Variants in BLTP3B observed in about 807,000 individuals in gnomAD.
BLTP3B encodes bridge-like lipid transfer protein family member 3B.
chr12:100,050,038 CTAATAA>C, the BLTP3B span: 1 of 946,834 alleles, frequency 1.1e-6, no homozygotes. Flanking sequence ...CCACTAACTA[CTAATAA>C]TAAGTAAATG....
At chr12:100,038,813 C>T in the BLTP3B span, among the ~76,000 whole-genome samples, 5 of 152,166 alleles carry the variant, frequency 3.3e-5, no homozygotes, top group South Asian at 2.1e-4. Flanking sequence ...GAACTTTCTG[C>T]GTCACATAGA....
At chr12:100,089,583 AAAAC>A in the BLTP3B span, among the ~76,000 whole-genome samples, 3 of 152,124 alleles carry the variant, frequency 2.0e-5, no homozygotes, top group African/African-American at 2.4e-5. Context: ...CAAAAACAAA[AAAAC>A]AAACAAAAAA....
the BLTP3B span, chr12:100,098,357 C>T: frequency 1.9e-6 from 3 of 1,588,786 alleles, no homozygotes; most frequent in Non-Finnish European, 2.6e-6. Flanking sequence ...GTTACCTCTC[C>T]TCTCTGTGGA....
chr12:100,059,168 T>C, the BLTP3B span: 1 of 1,614,132 alleles, frequency 6.2e-7, no homozygotes, highest in Non-Finnish European at 8.5e-7. Flanking sequence ...CTTCATAATC[T>C]ATCCAAAATT....
the BLTP3B span, among the ~76,000 whole-genome samples, chr12:100,068,375 G>A: frequency 4.6e-5 from 7 of 152,122 alleles, no homozygotes; most frequent in East Asian, 1.9e-4. Context: ...TTAAATCTAA[G>A]CCCTGAAACT....
the BLTP3B span, chr12:100,142,727 C>A: frequency 2.6e-6 from 4 of 1,525,362 alleles, no homozygotes; most frequent in Non-Finnish European, 3.5e-6. Context: ...CTAGCCCGGC[C>A]GGCGGAGAGG....
At chr12:100,103,346 T>C in the BLTP3B span, among the ~76,000 whole-genome samples, 1 of 152,122 alleles carries the variant, frequency 6.6e-6, no homozygotes, top group African/African-American at 2.4e-5. Context: ...TTTCTCAGGG[T>C]AATATTTTTC....
At chr12:100,084,002 A>C in the BLTP3B span, among the ~76,000 whole-genome samples, 1 of 152,114 alleles carries the variant, frequency 6.6e-6, no homozygotes, top group African/African-American at 2.4e-5. Context: ...CACCCTGGCC[A>C]ACACAGTGAA....
At chr12:100,110,691 A>C in the BLTP3B span, among the ~76,000 whole-genome samples, 1 of 152,088 alleles carries the variant, frequency 6.6e-6, no homozygotes, top group Non-Finnish European at 1.5e-5. Context: ...ATCTAAAGGA[A>C]GAGAAGTTAA....
the BLTP3B span, among the ~76,000 whole-genome samples, chr12:100,071,699 T>C: frequency 3.9e-5 from 6 of 152,134 alleles, no homozygotes; most frequent in East Asian, 1.9e-4. Flanking sequence ...TGTAATTCAA[T>C]ATTTCTGAAA....
chr12:100,079,936 C>T, the BLTP3B span, among the ~76,000 whole-genome samples: 1 of 152,222 alleles, frequency 6.6e-6, no homozygotes, highest in Non-Finnish European at 1.5e-5. Flanking sequence ...CAAGCCCCAA[C>T]CCTGGCAGCT....
chr12:100,047,743 G>A, the BLTP3B span: 2 of 1,075,276 alleles, frequency 1.9e-6, no homozygotes, highest in Non-Finnish European at 2.7e-6. Flanking sequence ...GATATAGCGA[G>A]AAAACTGCCT....
the BLTP3B span, among the ~76,000 whole-genome samples, chr12:100,099,001 T>TATTA: frequency 6.4e-5 from 9 of 140,690 alleles, no homozygotes; most frequent in South Asian, 4.4e-4. Flanking sequence ...ATTTTATTAT[T>TATTA]TTTTTTTTCC....
the BLTP3B span, among the ~76,000 whole-genome samples, chr12:100,063,375 C>G: frequency 6.6e-6 from 1 of 152,106 alleles, no homozygotes; most frequent in Non-Finnish European, 1.5e-5. Context: ...TAACAATCAC[C>G]ACAGCCTGGC....
At chr12:100,102,699 GCTT>G in the BLTP3B span, 2 of 871,380 alleles carry the variant, frequency 2.3e-6, no homozygotes, top group Non-Finnish European at 3.4e-6. Flanking sequence ...TGAGGTTAAG[GCTT>G]TTTTTTTTTT....
chr12:100,142,042 C>T, the BLTP3B span, among the ~76,000 whole-genome samples: 8,485 of 152,252 alleles, frequency 0.056, 765 homozygotes, highest in African/African-American at 0.19. Context: ...TGCAAACAGG[C>T]ACACCCTCTG....
the BLTP3B span, among the ~76,000 whole-genome samples, chr12:100,091,635 T>C: frequency 9.2e-5 from 14 of 151,488 alleles, no homozygotes; most frequent in African/African-American, 3.4e-4. Flanking sequence ...CCCGAGTAGC[T>C]GGGAGTATAG....
chr12:100,128,950 T>TA, the BLTP3B span, among the ~76,000 whole-genome samples: 1 of 152,154 alleles, frequency 6.6e-6, no homozygotes, highest in Non-Finnish European at 1.5e-5. Context: ...ACTCCCCAAT[T>TA]ACATTCACAT....
At chr12:100,048,735 G>GGAGAGAGAGAGA in the BLTP3B span, among the ~76,000 whole-genome samples, 8 of 119,550 alleles carry the variant, frequency 6.7e-5, no homozygotes, top group African/African-American at 1.4e-4. Flanking sequence ...GTAAGGGGGG[G>GGAGAGAGAGAGA]GAGAGAGAGA....
Sources: allele counts gnomAD v4.1 joint callset (sites outside exome capture counted in the v4.1 genomes callset), GRCh38; gene constraint gnomAD v4.1.1; transcripts MANE v1.5; gene names NCBI Gene and HGNC (gene_info 2026-07-23, HGNC 2026-07-21).